The following DUSP15 variants were observed in gnomAD, a reference collection of about 807,000 sequenced individuals.
DUSP15 encodes the protein dual specificity phosphatase 15, also known as dual specificity protein phosphatase 15.
In DUSP15, 23 loss-of-function variants were observed where a neutral mutation model predicts 26.3. The observed-to-expected ratio is 0.87, with a 90% CI of 0.63 to 1.24. The LOEUF (loss-of-function observed/expected upper bound fraction) is 1.24. Among genes scored for constraint, DUSP15 ranks in the 50% most tolerant of loss-of-function variants. The pLI is 0.00. For synonymous variants in DUSP15, 143 were observed against 135.5 expected (o/e 1.06, Z -0.39); for missense variants, 364 against 320.6 (o/e 1.14, Z -1.03).
intron 7 of DUSP15, chr20:31,850,539 T>G (rs1261378501): frequency 1.4e-6 from 2 of 1,469,062 alleles, no homozygotes; most frequent in African/African-American, 2.8e-5. Context: ...GAGAGAGAGG[T>G]GGGCTGGCCC....
chr20:31,864,617 C>T (rs2062728110), intron 4 of DUSP15: 1 of 302,590 alleles, frequency 3.3e-6, no homozygotes, highest in African/African-American at 2.3e-5. Context: ...AAGTAAATGG[C>T]AGAGCCTGGC....
chr20:31,857,253 C>T (rs1183359844), downstream of DUSP15, among the ~76,000 whole-genome samples: 2 of 151,296 alleles, frequency 1.3e-5, no homozygotes, highest in Non-Finnish European at 2.9e-5. Flanking sequence ...ATTGAAATGA[C>T]GGCAACTGTC....
intron 5 of DUSP15, 47 bp downstream of exon 5, chr20:31,863,860 C>T (rs914356832): frequency 8.9e-6 from 14 of 1,575,532 alleles, no homozygotes; most frequent in Admixed American, 3.3e-5. Flanking sequence ...GCAGAGGGCA[C>T]AGCCACTTCC....
chr20:31,848,936 G>A (rs766871330), intron 8 of DUSP15: 4 of 1,559,546 alleles, frequency 2.6e-6, no homozygotes, highest in African/African-American at 2.7e-5. Flanking sequence ...ACGACACTGA[G>A]ACTATAGGGA....
intron 8 of DUSP15, chr20:31,849,411 C>A: frequency 2.0e-6 from 1 of 490,150 alleles, no homozygotes; most frequent in South Asian, 2.0e-5. Context: ...ATGCCCAGCA[C>A]CCTTAGGCCC....
intron 6 of DUSP15, among the ~76,000 whole-genome samples, chr20:31,853,894 G>A (rs867942876): frequency 1.3e-5 from 2 of 152,096 alleles, no homozygotes; most frequent in African/African-American, 2.4e-5. Context: ...GTGAGTTACC[G>A]TGCCCAGCCT....
At chr20:31,867,218 G>A (rs1276506185) in intron 2 of DUSP15, 65 bp from the exon 3 acceptor site, 6 of 1,422,614 alleles carry the variant, frequency 4.2e-6, no homozygotes, top group Non-Finnish European at 5.8e-6. Flanking sequence ...AAGTGCGGAG[G>A]GAGCTCACTG....
Position 31,861,170 on chromosome 20 carries a change from C to G in DUSP15, c.*233G>C. The stretch of plus-strand genomic sequence containing the variant: ...CGCCTTTAAGGGTGGGCCCCCTCCC[C>G]CAGCCCAAGGACTAAGGCACCAGGT... On this transcript the variant is annotated 3_prime_UTR_variant, in exon 7 of 7. Coordinates refer to ENST00000339738, the MANE Select transcript of DUSP15 (RefSeq NM_080611.5). The G allele has an allele frequency of 1.5e-6, 2 of 1,337,820 alleles. No homozygotes were observed. The highest frequency in any genetic ancestry group is 1.9e-6 in the Non-Finnish European group (2 of 1,051,214). The allele number at this position is 1,337,820 out of a possible 1,614,324, so 82.9% of individuals were successfully genotyped here. A position where few individuals can be genotyped will look rare whatever the true frequency, so the allele number is the denominator to read the frequency against.
intron 4 of DUSP15, chr20:31,864,301 C>T: frequency 1.8e-6 from 2 of 1,124,558 alleles, no homozygotes; most frequent in Non-Finnish European, 1.1e-6. Flanking sequence ...GGAGGAAACA[C>T]AGGGGTCCCA....
chr20:31,864,010 C>A, intron 4 of DUSP15, 29 bp from the exon 5 acceptor site: 2 of 1,611,522 alleles, frequency 1.2e-6, no homozygotes, highest in Non-Finnish European at 1.7e-6. Context: ...GGGTAGGGAG[C>A]ACTGCAGGGC....
chr20:31,849,333 C>T (rs2062423256), intron 8 of DUSP15, among the ~76,000 whole-genome samples: 2 of 152,130 alleles, frequency 1.3e-5, no homozygotes, highest in South Asian at 2.1e-4. Context: ...CCCCAGCCCT[C>T]CTGGTGCCTG....
chr20:31,867,023 C>G, intron 3 of DUSP15, 48 bp downstream of exon 3: 2 of 1,520,360 alleles, frequency 1.3e-6, no homozygotes, highest in Non-Finnish European at 1.8e-6. Flanking sequence ...ATAAACAGGT[C>G]TGCACCCTCC....
downstream of DUSP15, among the ~76,000 whole-genome samples, chr20:31,858,396 A>G (rs1408219687): frequency 6.6e-6 from 1 of 152,048 alleles, no homozygotes; most frequent in Non-Finnish European, 1.5e-5. This position sits in a 1 kb window ranked among gnomAD's most constrained non-coding sequence, Gnocchi z 4.4. Context: ...CAGTGGCTCA[A>G]CCCACGTGGG....
intron 5 of DUSP15, 177 bp downstream of exon 5, chr20:31,863,730 C>T (rs1169325994): frequency 3.3e-6 from 2 of 609,524 alleles, no homozygotes; most frequent in East Asian, 2.8e-5. Context: ...CCACACAGCT[C>T]ATAAGGAATA....
chr20:31,861,698 G>A (rs1289641827), intron 6 of DUSP15, 23 bp from the exon 7 acceptor site: 2 of 1,296,812 alleles, frequency 1.5e-6, no homozygotes, highest in Non-Finnish European at 1.9e-6. Context: ...GGTGAGGTGG[G>A]CGGGGTCAAG....
intron 6 of DUSP15, among the ~76,000 whole-genome samples, chr20:31,853,812 G>A (rs560252846): frequency 6.6e-6 from 1 of 152,178 alleles, no homozygotes; most frequent in East Asian, 2.0e-4. Context: ...TGTTGCCCAG[G>A]TGGTTGGTCT....
At chr20:31,866,562 C>T (rs936462385) in intron 3 of DUSP15, among the ~76,000 whole-genome samples, 1 of 152,176 alleles carries the variant, frequency 6.6e-6, no homozygotes, top group Non-Finnish European at 1.5e-5. Flanking sequence ...TTGATAATAC[C>T]AGCACCAACC....
chr20:31,848,850 G>A (rs1394436258), exon 9 of DUSP15: 16 of 1,612,264 alleles, frequency 9.9e-6, no homozygotes, highest in Non-Finnish European at 1.4e-5. Flanking sequence ...GTGGGGCCCG[G>A]GTCCTCCTCA....
rs1053320446 is a variant in DUSP15, at chr20:31,865,086, AC to A, written c.139-85del. On this transcript the variant is annotated intron_variant, in intron 3 of 6. Coordinates refer to ENST00000339738, the MANE Select transcript of DUSP15 (RefSeq NM_080611.5). ...GTCCGAGCTGCCCAGGCAGGGCATA[AC>A]CCCAGCCCAGTTCCTGCCCTTCTCT... 4.7e-6 allele frequency: 7 copies of A among 1,479,186 alleles called. No individual in the cohort carries two copies. In the African/African-American group the frequency reaches 9.7e-5, roughly 20 times the overall value. 91.6% of individuals were successfully genotyped at this position (1,479,186 alleles called of 1,614,324 possible).
Sources: gnomAD v4.1 joint callset for allele counts (sites outside exome capture counted in the v4.1 genomes callset) on GRCh38, gnomAD v4.1.1 for gene constraint, Gnocchi (gnomAD v3.1) non-coding constraint, MANE v1.5 for transcripts, NCBI Gene and HGNC (gene_info 2026-07-23, HGNC 2026-07-21) for gene names.